The following OPCML variants were observed in gnomAD, a reference collection of about 807,000 sequenced individuals.
OPCML encodes the protein opioid binding protein/cell adhesion molecule like.
A neutral mutation model predicts 37.8 loss-of-function variants in OPCML; 13 were observed. The ratio of observed to expected loss-of-function variants is 0.34; its 90% CI spans 0.22 to 0.55. The LOEUF (loss-of-function observed/expected upper bound fraction) is 0.55. Ranked by LOEUF, OPCML falls within the 20% of genes least tolerant of loss-of-function variation. The pLI, the probability that OPCML is intolerant of heterozygous loss-of-function variation, is 0.91. For missense variants in OPCML, 341 were observed against 435.6 expected (o/e 0.78, Z 1.93); for synonymous variants, 176 against 168.8 (o/e 1.04, Z -0.33).
Position 132,943,668 on chromosome 11 carries a change from C to T in OPCML, c.62-658G>A, listed in dbSNP as rs1370738591. 2 of 152,808 alleles carry T rather than the reference C, an allele frequency of 1.3e-5. No individual in the cohort carries two copies. Among genetic ancestry groups the T allele is most frequent in the Non-Finnish European group, 1.5e-5 (1 of 68,632 alleles). The allele number at this position is 152,808 out of a possible 1,614,324, so 9.5% of individuals were successfully genotyped here. A position where few individuals can be genotyped will look rare whatever the true frequency, so the allele number is the denominator to read the frequency against. ...CCCAAGGCGGCAAAAAGTTCCAAGG[C>T]GGGGACGCGCAGCCGGCGCAGCCAG... is the stretch of plus-strand genomic sequence containing the variant. On this transcript the variant is annotated intron_variant, in intron 1 of 7. Transcript: ENST00000524381. The surrounding 1 kb of genome is among the most constrained non-coding windows in gnomAD (Gnocchi z 4.3).
At chr11:133,360,325 G>A (rs1421191678) in intron 1 of OPCML, 1 of 152,152 alleles carries the variant, frequency 6.6e-6, no homozygotes, top group African/African-American at 2.4e-5. Flanking sequence ...ACATAATTCT[G>A]ACATTGGAAC....
chr11:133,075,170 C>T (rs1157884452), intron 1 of OPCML, among the ~76,000 whole-genome samples: 1 of 152,164 alleles, frequency 6.6e-6, no homozygotes, highest in African/African-American at 2.4e-5. Context: ...AAAGTAGCTG[C>T]AAGAGTGCAA....
intron 2 of OPCML, chr11:132,772,431 AT>A (rs1267793217): frequency 2.0e-5 from 3 of 152,266 alleles, no homozygotes; most frequent in African/African-American, 7.2e-5. Context: ...AGAACCTGGG[AT>A]TTCAGGATCC....
chr11:133,265,236 G>A lies in OPCML; in HGVS notation c.61+267028C>T, dbSNP rs550399656. On this transcript the variant is annotated intron_variant, in intron 1 of 7. Transcript: ENST00000524381. ...ACTTGGACTAACTTGGAGGTTCATA[G>A]TGAGGAAGAAGTGGGGTGGGATGGT... Among the ~76,000 whole-genome samples, 131 of 152,328 alleles carry A rather than the reference G, an allele frequency of 8.6e-4. 3 individuals are homozygous for A. In the South Asian group the frequency reaches 0.026, roughly 31 times the overall value.
intron 1 of OPCML, among the ~76,000 whole-genome samples, chr11:133,320,896 G>T (rs993449428): frequency 2.0e-5 from 3 of 152,174 alleles, no homozygotes; most frequent in Non-Finnish European, 4.4e-5. Flanking sequence ...AATAACGGCA[G>T]CACCCAGCTG....
intron 1 of OPCML, among the ~76,000 whole-genome samples, chr11:133,523,185 CA>C (rs1948427910): frequency 6.6e-6 from 1 of 152,164 alleles, no homozygotes; most frequent in Non-Finnish European, 1.5e-5. Context: ...CCAGAGAGGG[CA>C]CCAGTTAAGA....
At chr11:133,481,444 AAAATAAATAAATAAAT>A (rs373209430) in intron 1 of OPCML, among the ~76,000 whole-genome samples, 6 of 150,108 alleles carry the variant, frequency 4.0e-5, no homozygotes, top group Admixed American at 4.0e-4. Context: ...CCCAGTTAAA[AAAATAAATAAATAAAT>A]AAATAAATAA....
chr11:133,493,002 G>T (rs1480371627), intron 1 of OPCML, among the ~76,000 whole-genome samples: 2 of 152,198 alleles, frequency 1.3e-5, no homozygotes, highest in East Asian at 3.9e-4. Flanking sequence ...GTTAGGCTCT[G>T]CTCCCTTTGG....
chr11:133,038,181 G>A (rs1363387286), intron 1 of OPCML, among the ~76,000 whole-genome samples: 1 of 152,194 alleles, frequency 6.6e-6, no homozygotes, highest in Non-Finnish European at 1.5e-5. Flanking sequence ...AGACTTAGGA[G>A]CCCTGGGCGC....
intron 4 of OPCML, among the ~76,000 whole-genome samples, chr11:132,458,656 A>T (rs1002843603): frequency 3.3e-5 from 5 of 152,176 alleles, no homozygotes; most frequent in Admixed American, 6.5e-5. Context: ...TTCTTTTTTT[A>T]AAAAACACTG....
At chr11:133,182,983 A>G (rs559305514) in intron 1 of OPCML, among the ~76,000 whole-genome samples, 11 of 152,214 alleles carry the variant, frequency 7.2e-5, no homozygotes, top group Non-Finnish European at 1.3e-4. Context: ...TGTCAAGGAA[A>G]TTGAAAACGT....
Position 133,185,085 on chromosome 11 carries a change from G to A in OPCML, c.62-242075C>T, listed in dbSNP as rs1270389526. On this transcript the variant is annotated intron_variant, in intron 1 of 7. Transcript: ENST00000524381. ...TTTCAAACCTCATACTCACAAAAGT[G>A]TAGGGCACAGAGAAGCCAAATATAA... Among the ~76,000 whole-genome samples the A allele has an allele frequency of 2.0e-5, 3 of 152,286 alleles. No homozygotes were observed. In the East Asian group the frequency reaches 5.8e-4, roughly 29 times the overall value.
intron 2 of OPCML, among the ~76,000 whole-genome samples, chr11:132,907,254 T>G (rs1239189955): frequency 6.6e-6 from 1 of 152,314 alleles, no homozygotes; most frequent in Middle Eastern, 3.4e-3. Flanking sequence ...CTGTTTTACG[T>G]TCCCTGGTCT....
intron 1 of OPCML, among the ~76,000 whole-genome samples, chr11:133,455,464 T>G (rs1946655739): frequency 1.3e-5 from 2 of 152,146 alleles, no homozygotes; most frequent in South Asian, 4.1e-4. Flanking sequence ...CTACCAAAGA[T>G]TTTAAGTAGC....
chr11:133,317,657 C>T (rs551446370), intron 1 of OPCML, among the ~76,000 whole-genome samples: 10 of 152,330 alleles, frequency 6.6e-5, no homozygotes, highest in Admixed American at 2.0e-4. Context: ...ACTGTGTATG[C>T]TGTTGTATCT....
intron 1 of OPCML, among the ~76,000 whole-genome samples, chr11:133,414,692 T>C (rs1482348842): frequency 6.6e-6 from 1 of 152,116 alleles, no homozygotes; most frequent in Non-Finnish European, 1.5e-5. Flanking sequence ...TGAAACCCAG[T>C]TAACAGCTTG....
intron 2 of OPCML, among the ~76,000 whole-genome samples, chr11:132,891,788 T>C (rs1943658822): frequency 6.6e-6 from 1 of 152,244 alleles, no homozygotes; most frequent in Admixed American, 6.5e-5. Context: ...TACCTTATAT[T>C]AGCTGGGTAA....
At chr11:132,539,795 G>A (rs569652723) in intron 3 of OPCML, among the ~76,000 whole-genome samples, 61 of 152,026 alleles carry the variant, frequency 4.0e-4, no homozygotes, top group African/African-American at 1.3e-3. Context: ...TAGTAATGAC[G>A]GTAATGATGA....
At chr11:132,700,555 A>G (rs1158170291) in intron 2 of OPCML, among the ~76,000 whole-genome samples, 1 of 152,184 alleles carries the variant, frequency 6.6e-6, no homozygotes, top group African/African-American at 2.4e-5. Flanking sequence ...GTGGTTCAGT[A>G]ATGTGTTGTA....
Sources: allele counts gnomAD v4.1 joint callset (sites outside exome capture counted in the v4.1 genomes callset), GRCh38; gene constraint gnomAD v4.1.1; non-coding constraint Gnocchi (gnomAD v3.1); transcripts MANE v1.5; gene names NCBI Gene and HGNC (gene_info 2026-07-23, HGNC 2026-07-21).